Variants in CPNE8 observed in about 807,000 individuals in gnomAD.
CPNE8 encodes the protein copine 8, also known as copine-8.
CPNE8 carries 45 observed loss-of-function variants against 81.5 expected under a neutral mutation model. That is an observed-to-expected ratio of 0.55 (90% CI 0.44 to 0.71). The LOEUF is 0.71. Ranked by LOEUF, CPNE8 falls within the 30% of genes least tolerant of loss-of-function variation. The pLI is 0.00. For synonymous variants in CPNE8, 252 were observed against 226.3 expected, an observed-to-expected ratio of 1.11 and a Z score of -1.02; for missense variants, 594 against 672.1, an observed-to-expected ratio of 0.88 and a Z score of 1.28.
At position 38,774,478 on chromosome 12, in the gene CPNE8, A is replaced by G. The variant is rs186596290; in HGVS notation, c.471+1760T>C. The stretch of plus-strand genomic sequence containing the variant: ...ATTGTATCATTTTAACTAAAAAAAT[A>G]GGATAGGTAATATCGCTGCATTTAA... On this transcript the variant is annotated intron_variant, in intron 7 of 19. Coordinates refer to ENST00000331366, the MANE Select transcript of CPNE8 (RefSeq NM_153634.3). Among the ~76,000 whole-genome samples the G allele has an allele frequency of 3.6e-3, 551 of 152,302 alleles. 2 individuals carry two copies. Among genetic ancestry groups the G allele is most frequent in the African/African-American group, 0.013 (528 of 41,580 alleles).
chr12:38,723,528 A>G (rs2136745954), intron 13 of CPNE8, among the ~76,000 whole-genome samples: 1 of 152,338 alleles, frequency 6.6e-6, no homozygotes, highest in Non-Finnish European at 1.5e-5. Flanking sequence ...AAGTGAACAT[A>G]ATAGCCATAT....
chr12:38,697,543 G>A (rs1027010360), intron 14 of CPNE8, among the ~76,000 whole-genome samples: 3 of 152,096 alleles, frequency 2.0e-5, no homozygotes, highest in Non-Finnish European at 4.4e-5. Flanking sequence ...AGGTCATATG[G>A]TAACTCTATA....
chr12:38,706,191 A>G (rs1282603321), intron 13 of CPNE8, among the ~76,000 whole-genome samples: 2 of 152,112 alleles, frequency 1.3e-5, no homozygotes, highest in Admixed American at 1.3e-4. Context: ...AAGGATATGG[A>G]TTATATTATT....
intron 6 of CPNE8, among the ~76,000 whole-genome samples, chr12:38,827,194 A>G (rs1349586086): frequency 6.6e-6 from 1 of 151,546 alleles, no homozygotes; most frequent in Non-Finnish European, 1.5e-5. Flanking sequence ...AAAGTATACC[A>G]CATAGCCAAC....
In CPNE8 at chr12:38,773,930, G is replaced by A. The variant is rs1306806780; in HGVS notation, c.471+2308C>T. On this transcript the variant is annotated intron_variant, in intron 7 of 19. Transcript: ENST00000331366. ...CAGGACATAGAAAACATAAGATGAA[G>A]TTACACCAAGATTTTAAACAATATT... Among the ~76,000 whole-genome samples, 5 of 151,966 alleles carry A rather than the reference G, an allele frequency of 3.3e-5. No individual in the cohort carries two copies. The East Asian group carries it at 9.6e-4, about 29-fold the overall frequency.
At chr12:38,719,675 C>A (rs566965104) in intron 13 of CPNE8, among the ~76,000 whole-genome samples, 2 of 150,862 alleles carry the variant, frequency 1.3e-5, no homozygotes. Context: ...TTTAAAGATA[C>A]ATAATACAAT....
intron 13 of CPNE8, among the ~76,000 whole-genome samples, chr12:38,711,848 C>T (rs1940267134): frequency 6.6e-6 from 1 of 152,128 alleles, no homozygotes; most frequent in Non-Finnish European, 1.5e-5. Context: ...CTTAATATTC[C>T]TAAAAGTTTG....
intron 13 of CPNE8, among the ~76,000 whole-genome samples, chr12:38,712,335 G>A (rs1940280625): frequency 6.6e-6 from 1 of 151,652 alleles, no homozygotes; most frequent in East Asian, 1.9e-4. Flanking sequence ...TTAGCCCACT[G>A]AGTAGCTGGG....
intron 16 of CPNE8, among the ~76,000 whole-genome samples, chr12:38,678,208 C>T (rs958611454): frequency 1.9e-4 from 29 of 151,848 alleles, no homozygotes; most frequent in African/African-American, 7.0e-4. Flanking sequence ...CATCCACAGT[C>T]AAGTCTTAAT....
At chr12:38,671,051 C>T (rs908843059) in intron 18 of CPNE8, 33 of 388,902 alleles carry the variant, frequency 8.5e-5, no homozygotes, top group African/African-American at 6.8e-4. Flanking sequence ...GTCTCTGGGT[C>T]TATCTCTTTG....
At chr12:38,833,351 CAA>C (rs774534221) in intron 5 of CPNE8, among the ~76,000 whole-genome samples, 21 of 61,880 alleles carry the variant, frequency 3.4e-4, no homozygotes, top group African/African-American at 6.7e-4. Flanking sequence ...GACCTTATCT[CAA>C]AAAAAAAAAA....
At chr12:38,876,750 G>C (rs959472819) in intron 1 of CPNE8, among the ~76,000 whole-genome samples, 6 of 152,090 alleles carry the variant, frequency 3.9e-5, no homozygotes, top group Non-Finnish European at 7.4e-5. Flanking sequence ...TAATAGAATA[G>C]ATTATCTCTG....
At chr12:38,905,902 G>C (rs1047670352), upstream of CPNE8, 164 of 985,186 alleles carry the variant, frequency 1.7e-4, no homozygotes, top group Non-Finnish European at 1.9e-4. Flanking sequence ...GGCACCAGAC[G>C]CAGACCCCTA....
At chr12:38,850,366 TA>T (rs1404708632) in intron 3 of CPNE8, among the ~76,000 whole-genome samples, 1 of 152,108 alleles carries the variant, frequency 6.6e-6, no homozygotes, top group Admixed American at 6.5e-5. Flanking sequence ...TTTCCCACAG[TA>T]AGCCCCATTG....
intron 7 of CPNE8, among the ~76,000 whole-genome samples, chr12:38,771,444 C>A (rs1177093745): frequency 6.6e-6 from 1 of 151,718 alleles, no homozygotes. Flanking sequence ...TCAGCCTGGG[C>A]AATAGAGTGA....
At chr12:38,678,433 G>A (rs1195134463) in intron 16 of CPNE8, among the ~76,000 whole-genome samples, 1 of 151,548 alleles carries the variant, frequency 6.6e-6, no homozygotes, top group Admixed American at 6.6e-5. Context: ...TGCAATTCAT[G>A]TCCAGTGCTA....
intron 10 of CPNE8, among the ~76,000 whole-genome samples, chr12:38,737,906 T>C (rs895074859): frequency 6.6e-6 from 1 of 152,174 alleles, no homozygotes; most frequent in African/African-American, 2.4e-5. Context: ...AGTTGCACTC[T>C]AGAGTCCACT....
intron 1 of CPNE8, among the ~76,000 whole-genome samples, chr12:38,879,155 G>C (rs1413408577): frequency 6.6e-6 from 1 of 152,124 alleles, no homozygotes; most frequent in Admixed American, 6.5e-5. Context: ...ACTCCAACCA[G>C]CCTGTGCACT....
chr12:38,798,728 G>A, intron 6 of CPNE8, among the ~76,000 whole-genome samples: 1 of 152,056 alleles, frequency 6.6e-6, no homozygotes, highest in African/African-American at 2.4e-5. Context: ...TGGACTAAAT[G>A]CTCCAATTGA....
Sources: gnomAD v4.1 joint callset for allele counts (sites outside exome capture counted in the v4.1 genomes callset) on GRCh38, gnomAD v4.1.1 for gene constraint, MANE v1.5 for transcripts, NCBI Gene and HGNC (gene_info 2026-07-23, HGNC 2026-07-21) for gene names.